The following KIAA1217 variants were observed in gnomAD, a reference collection of about 807,000 sequenced individuals.
The protein encoded by KIAA1217 is KIAA1217.
Under a neutral mutation model 163.9 loss-of-function variants are expected in KIAA1217, and 88 were observed. The observed-to-expected ratio is 0.54, with a 90% CI of 0.45 to 0.64. The LOEUF is 0.64. Ranked by LOEUF, KIAA1217 falls within the 30% of genes least tolerant of loss-of-function variation. The pLI is 0.00. For synonymous variants in KIAA1217, 903 were observed against 923.1 expected, an observed-to-expected ratio of 0.98 and a Z score of 0.39; for missense variants, 2,372 against 2,475.0, an observed-to-expected ratio of 0.96 and a Z score of 0.88.
intron 1 of KIAA1217, among the ~76,000 whole-genome samples, chr10:23,972,958 G>A (rs1845382458): frequency 6.6e-6 from 1 of 152,082 alleles, no homozygotes; most frequent in Non-Finnish European, 1.5e-5. Context: ...GGCCTGTTGG[G>A]GTTTGGGGGT....
intron 2 of KIAA1217, among the ~76,000 whole-genome samples, chr10:24,230,044 C>A (rs1457559057): frequency 6.6e-6 from 1 of 151,990 alleles, no homozygotes; most frequent in African/African-American, 2.4e-5. Context: ...GAAGAAATAT[C>A]CTTATGCAAA....
At chr10:24,444,102 C>G (rs1175034421) in intron 5 of KIAA1217, among the ~76,000 whole-genome samples, 1 of 152,082 alleles carries the variant, frequency 6.6e-6, no homozygotes, top group Non-Finnish European at 1.5e-5. Flanking sequence ...CCTCTGCCTC[C>G]CGTGTTCAAG....
chr10:24,111,033 C>T (rs1375755765), intron 2 of KIAA1217, among the ~76,000 whole-genome samples: 3 of 152,058 alleles, frequency 2.0e-5, no homozygotes, highest in Non-Finnish European at 4.4e-5. Flanking sequence ...CATTAATGTA[C>T]GCCAAGAATG....
chr10:23,709,756 T>G (rs986763313), intron 1 of KIAA1217, among the ~76,000 whole-genome samples: 8 of 152,128 alleles, frequency 5.3e-5, no homozygotes, highest in Admixed American at 2.0e-4. Context: ...CCTAAACTGT[T>G]ATCATTTTTT....
At chr10:24,031,212 TG>T (rs1848173209) in intron 2 of KIAA1217, among the ~76,000 whole-genome samples, 1 of 152,214 alleles carries the variant, frequency 6.6e-6, no homozygotes, top group Non-Finnish European at 1.5e-5. Flanking sequence ...TTCTGTTTTT[TG>T]TTTTTTTCAT....
intron 2 of KIAA1217, among the ~76,000 whole-genome samples, chr10:24,293,441 G>T (rs115985892): frequency 6.6e-6 from 1 of 152,224 alleles, no homozygotes; most frequent in East Asian, 1.9e-4. Flanking sequence ...GCACTGCCCC[G>T]CCCCGGCCCT....
rs551642041 is a variant in KIAA1217 at position 23,966,641 on chromosome 10, A to G, written c.-320-40584A>G. The stretch of plus-strand genomic sequence containing the variant: ...TCATCCCCTCTGGCATACAGTCAAT[A>G]CTTGTTTTCCCAAGCTCCATTCCTC... On this transcript the variant is annotated intron_variant, in intron 1 of 18. Coordinates refer to the KIAA1217 transcript ENST00000376462. Among the ~76,000 whole-genome samples the G allele has an allele frequency of 8.5e-5, 13 of 152,324 alleles. No homozygotes were observed. The South Asian group carries it at 2.1e-3, about 24-fold the overall frequency.
At chr10:23,819,969 G>C (rs1244236595) in intron 1 of KIAA1217, among the ~76,000 whole-genome samples, 1 of 152,140 alleles carries the variant, frequency 6.6e-6, no homozygotes, top group Admixed American at 6.5e-5. Flanking sequence ...ATGTATGATA[G>C]TGCCTATTTC....
At chr10:24,046,680 C>A (rs1849051908) in intron 2 of KIAA1217, among the ~76,000 whole-genome samples, 1 of 152,158 alleles carries the variant, frequency 6.6e-6, no homozygotes, top group Non-Finnish European at 1.5e-5. Context: ...CAGTCACCTC[C>A]CACCATGCAC....
intron 2 of KIAA1217, among the ~76,000 whole-genome samples, chr10:24,334,713 C>T (rs1359372668): frequency 6.6e-6 from 1 of 152,188 alleles, no homozygotes; most frequent in Non-Finnish European, 1.5e-5. Flanking sequence ...TGTAACTCTA[C>T]TTCCAACAGT....
chr10:23,759,723 A>G lies in KIAA1217; in HGVS notation c.-321+64489A>G, dbSNP rs551642582. 1.7e-4 allele frequency among the ~76,000 whole-genome samples: 26 copies of G among 152,352 alleles called. 1 individual carries two copies. In the East Asian group the frequency reaches 3.5e-3, roughly 20 times the overall value. On this transcript the variant is annotated intron_variant, in intron 1 of 18. Transcript: ENST00000376462. ...TAGTGAGATAAGAACGATGTCTGAC[A>G]GACTTTGGGCTGATTCATAACACTT...
At chr10:24,100,500 T>C (rs1186746390) in intron 2 of KIAA1217, among the ~76,000 whole-genome samples, 1 of 152,208 alleles carries the variant, frequency 6.6e-6, no homozygotes, top group Non-Finnish European at 1.5e-5. Flanking sequence ...TAGGCCCTTT[T>C]TCAAGTCTGT....
chr10:24,303,742 C>T (rs562135098), intron 2 of KIAA1217, among the ~76,000 whole-genome samples: 1 of 152,246 alleles, frequency 6.6e-6, no homozygotes, highest in South Asian at 2.1e-4. Flanking sequence ...CCTTCCAAAT[C>T]CCTGAGTCCT....
intron 2 of KIAA1217, among the ~76,000 whole-genome samples, chr10:24,092,928 T>TGTGTGTGTGTG (rs548350322): frequency 9.2e-5 from 13 of 140,950 alleles, no homozygotes; most frequent in African/African-American, 3.6e-4. Context: ...TGTGTGTGTG[T>TGTGTGTGTGTG]TGTGTGTGTG....
intron 2 of KIAA1217, among the ~76,000 whole-genome samples, chr10:24,352,393 T>C (rs1184698566): frequency 6.6e-6 from 1 of 152,236 alleles, no homozygotes; most frequent in African/African-American, 2.4e-5. Context: ...ATGTATACTT[T>C]AGGTGGAAAC....
chr10:24,241,309 G>A (rs1022011786), intron 2 of KIAA1217, among the ~76,000 whole-genome samples: 5 of 152,160 alleles, frequency 3.3e-5, no homozygotes, highest in Admixed American at 2.0e-4. Flanking sequence ...CCCAGCAGCA[G>A]CAATGATTCT....
chr10:24,531,755 T>G (rs1164804529), intron 14 of KIAA1217, 75 bp from the exon 15 acceptor site: 1 of 1,390,986 alleles, frequency 7.2e-7, no homozygotes. Context: ...TGCATTGGGT[T>G]TGTAGCAATA....
At chr10:23,993,552 G>GTTTTTTTTTTT (rs1564594837) in intron 1 of KIAA1217, among the ~76,000 whole-genome samples, 5 of 39,436 alleles carry the variant, frequency 1.3e-4, no homozygotes, top group South Asian at 7.6e-4. Context: ...CCATAGCCCA[G>GTTTTTTTTTTT]CTTTTTTTTT....
intron 5 of KIAA1217, among the ~76,000 whole-genome samples, chr10:24,471,877 A>C (rs1481344005): frequency 7.6e-6 from 1 of 131,460 alleles, no homozygotes; most frequent in Non-Finnish European, 1.6e-5. Context: ...ACAGAGCAAG[A>C]CTCCATCTCA....
Sources: allele counts gnomAD v4.1 joint callset (sites outside exome capture counted in the v4.1 genomes callset), GRCh38; gene constraint gnomAD v4.1.1; transcripts MANE v1.5; gene names NCBI Gene and HGNC (gene_info 2026-07-23, HGNC 2026-07-21).